SEC24D: variants seen among roughly 807,000 people sequenced by gnomAD.
SEC24D encodes the protein protein transport protein Sec24D.
In SEC24D, 69 loss-of-function variants were observed where a neutral mutation model predicts 116.9. The observed-to-expected ratio is 0.59, with a 90% CI of 0.49 to 0.72. SEC24D has a LOEUF of 0.72. Among genes scored for constraint, SEC24D ranks in the 30% least tolerant of loss-of-function variants. The pLI is 0.00. For synonymous variants in SEC24D, 405 were observed against 442.8 expected (o/e 0.91, Z 1.07); for missense variants, 1,131 against 1,264.1 (o/e 0.89, Z 1.60).
At chr4:118,781,582 C>T (rs546548361) in intron 8 of SEC24D, among the ~76,000 whole-genome samples, 33 of 152,058 alleles carry the variant, frequency 2.2e-4, no homozygotes, top group Non-Finnish European at 3.2e-4. Context: ...TTACTCTTCT[C>T]GAGGAGTATC....
chr4:118,773,612 C>T (rs1355750414), intron 8 of SEC24D, among the ~76,000 whole-genome samples: 1 of 152,154 alleles, frequency 6.6e-6, no homozygotes, highest in Non-Finnish European at 1.5e-5. Context: ...TAATCCAGAA[C>T]CTGTGATGAA....
chr4:118,790,031 G>A (rs147790302), intron 8 of SEC24D, among the ~76,000 whole-genome samples: 26 of 152,240 alleles, frequency 1.7e-4, no homozygotes, highest in East Asian at 1.5e-3. Flanking sequence ...AGCTGCATTC[G>A]TGAAAAATTT....
At chr4:118,758,091 C>T (rs1019744711) in intron 10 of SEC24D, among the ~76,000 whole-genome samples, 1 of 152,124 alleles carries the variant, frequency 6.6e-6, no homozygotes, top group African/African-American at 2.4e-5. Flanking sequence ...GACACTATTA[C>T]GACATCTAGC....
intron 14 of SEC24D, 76 bp from the exon 15 acceptor site, chr4:118,744,234 G>C: frequency 7.7e-7 from 1 of 1,305,358 alleles, no homozygotes; most frequent in Non-Finnish European, 1.0e-6. Flanking sequence ...AATTTCTATT[G>C]AATTCTTATT....
intron 10 of SEC24D, among the ~76,000 whole-genome samples, chr4:118,763,939 C>G (rs1727512657): frequency 6.6e-6 from 1 of 152,220 alleles, no homozygotes; most frequent in East Asian, 1.9e-4. Flanking sequence ...ATGATAAAGA[C>G]AGAGAAAGTT....
intron 8 of SEC24D, among the ~76,000 whole-genome samples, chr4:118,791,829 A>G (rs905913233): frequency 6.6e-6 from 1 of 152,088 alleles, no homozygotes; most frequent in Non-Finnish European, 1.5e-5. Flanking sequence ...CTCAGCGCTC[A>G]ATGTTGCCCA....
intron 9 of SEC24D, among the ~76,000 whole-genome samples, chr4:118,765,829 T>TA (rs34403499): frequency 0.26 from 38,693 of 150,212 alleles, 6,309 homozygotes; most frequent in Non-Finnish European, 0.36. Flanking sequence ...GTTCTTTTTT[T>TA]AAAAAAAAAA....
chr4:118,752,090 C>G lies in SEC24D; in HGVS notation c.1614-1G>C. 1 of 1,591,500 alleles carries G rather than the reference C, an allele frequency of 6.3e-7. No individual in the cohort carries two copies. Among genetic ancestry groups the G allele is most frequent in the East Asian group, 2.2e-5 (1 of 44,702 alleles). On this transcript the variant is annotated splice_acceptor_variant, in intron 12 of 22. Coordinates refer to ENST00000280551, the MANE Select transcript of SEC24D (RefSeq NM_014822.4). LOFTEE classifies it high-confidence loss of function. ...CATGTCTGGAATCTGGTCCAACAAA[C>G]TATAAGACATGAGTAAGCAAAAGGT...
intron 8 of SEC24D, among the ~76,000 whole-genome samples, chr4:118,788,137 G>T (rs1376478027): frequency 6.6e-6 from 1 of 152,154 alleles, no homozygotes; most frequent in Non-Finnish European, 1.5e-5. Flanking sequence ...CTTTTTAAAT[G>T]AATAATATAA....
chr4:118,826,943 T>C (rs1239134226), intron 2 of SEC24D, among the ~76,000 whole-genome samples: 1 of 152,214 alleles, frequency 6.6e-6, no homozygotes, highest in Non-Finnish European at 1.5e-5. Context: ...ATCATTACAA[T>C]GTCTTGGGAT....
intron 12 of SEC24D, 115 bp from the exon 13 acceptor site, chr4:118,752,204 A>G: frequency 1.5e-6 from 1 of 665,500 alleles, no homozygotes; most frequent in Non-Finnish European, 2.6e-6. Flanking sequence ...TTTGACACCA[A>G]CACCTATAGG....
In SEC24D at chr4:118,752,848, T is replaced by G. The variant is rs138187019; in HGVS notation, c.1462A>C (p.Ile488Leu). 4 of 1,599,008 alleles carry G rather than the reference T, an allele frequency of 2.5e-6. No individual in the cohort carries two copies. Among genetic ancestry groups the G allele is most frequent in the Non-Finnish European group, 3.4e-6 (4 of 1,175,380 alleles). Residue 488 changes from isoleucine to leucine, a missense_variant, in exon 12 of 23, where the codon ATC (isoleucine) becomes CTC (leucine). Physicochemically the swap from Ile to Leu is conservative, Grantham distance 5 (BLOSUM62 2). Coordinates refer to ENST00000280551, the MANE Select transcript of SEC24D (RefSeq NM_014822.4). The part of the protein sequence containing the change: ...EETSAIRVGF[I>L]TYNKVLHFFN... Reference sequence around the variant, plus strand: ...AAATGGAGAACTTTGTTATATGTGATAAAACCCACTCGAATTGCAGACGTC... The same window carrying G: ...AAATGGAGAACTTTGTTATATGTGAGAAAACCCACTCGAATTGCAGACGTC...
intron 6 of SEC24D, among the ~76,000 whole-genome samples, chr4:118,811,314 T>G (rs1174543060): frequency 2.0e-5 from 3 of 152,250 alleles, no homozygotes; most frequent in African/African-American, 7.2e-5. Flanking sequence ...GAGAATGATC[T>G]AGACACAGAA....
Position 118,745,055 on chromosome 4 carries a change from T to C in SEC24D, c.1713A>G (p.Ala571=). The change falls in exon 14 of 23, where the codon GCA becomes GCG. Residue 571 remains alanine (A), a synonymous_variant. Transcript: ENST00000280551. The part of the protein sequence containing the change: ...IQAGMEALKA[A]DCPGKLFIFH... ...AGATGAACAGCTTCCCAGGACAGTCTGCTGCCTAAAAAAAAAAAAAAACCC... is the reference window on the plus strand; with the variant it reads ...AGATGAACAGCTTCCCAGGACAGTCCGCTGCCTAAAAAAAAAAAAAAACCC... The C allele has an allele frequency of 6.4e-7, 1 of 1,561,658 alleles. No individual in the cohort carries two copies. The highest frequency in any genetic ancestry group is 8.7e-7 in the Non-Finnish European group (1 of 1,152,902).
chr4:118,786,079 G>A (rs1578433252), intron 8 of SEC24D, among the ~76,000 whole-genome samples: 1 of 152,258 alleles, frequency 6.6e-6, no homozygotes, highest in Non-Finnish European at 1.5e-5. Context: ...GCTCAAAAAA[G>A]TAAATGTTTC....
chr4:118,752,484 A>C (rs1392359356), intron 12 of SEC24D, among the ~76,000 whole-genome samples: 3 of 152,176 alleles, frequency 2.0e-5, no homozygotes, highest in Non-Finnish European at 4.4e-5. Flanking sequence ...GAGCATTTAA[A>C]AAATTCTTAG....
chr4:118,816,836 C>T (rs1345427609), intron 4 of SEC24D: 1 of 455,784 alleles, frequency 2.2e-6, no homozygotes, highest in Non-Finnish European at 4.4e-6. Context: ...TCTGAGCTTC[C>T]ACTCTTTCCA....
intron 20 of SEC24D, among the ~76,000 whole-genome samples, chr4:118,731,988 G>C (rs1725709895): frequency 6.6e-6 from 1 of 150,950 alleles, no homozygotes; most frequent in East Asian, 2.0e-4. Context: ...ATGAAGCCCA[G>C]TGTGGCTGAA....
At position 118,722,992 on chromosome 4, in the gene SEC24D, T is replaced by G. The variant is rs1229083234; in HGVS notation, c.*523A>C. 1 of 152,586 alleles carries G rather than the reference T, an allele frequency of 6.6e-6. No homozygotes were observed. Among genetic ancestry groups the G allele is most frequent in the Non-Finnish European group, 1.5e-5 (1 of 68,020 alleles). 9.5% of individuals were successfully genotyped at this position (152,586 alleles called of 1,614,324 possible). A position where few individuals can be genotyped will look rare whatever the true frequency, so the allele number is the denominator to read the frequency against. On this transcript the variant is annotated 3_prime_UTR_variant, in exon 23 of 23. Transcript: ENST00000280551. The stretch of plus-strand genomic sequence containing the variant: ...ACAATATATAATTATGAAAAAAATG[T>G]AGAACACATATTGTTCTACCAGATA...
Sources: gnomAD v4.1 joint callset for allele counts (sites outside exome capture counted in the v4.1 genomes callset) on GRCh38, gnomAD v4.1.1 for gene constraint, MANE v1.5 for transcripts, NCBI Gene and HGNC (gene_info 2026-07-23, HGNC 2026-07-21) for gene names.